The following REV1 variants were observed in gnomAD, a reference collection of about 807,000 sequenced individuals.
The protein encoded by REV1 is translesion synthesis protein REV1.
A neutral mutation model predicts 137.4 loss-of-function variants in REV1; 42 were observed. The observed-to-expected ratio is 0.31, with a 90% CI of 0.24 to 0.40. The LOEUF (loss-of-function observed/expected upper bound fraction) is 0.40. Among genes scored for constraint, REV1 ranks in the 10% least tolerant of loss-of-function variants. The pLI, the probability that REV1 is intolerant of heterozygous loss-of-function variation, is 1.00. For missense variants in REV1, 1,282 were observed against 1,490.1 expected (o/e 0.86, Z 2.30); for synonymous variants, 524 against 519.2 (o/e 1.01, Z -0.12).
rs530487255 is a variant in REV1, at chr2:99,412,662, G to A, written c.2172+69C>T. 7.0e-6 allele frequency: 8 copies of A among 1,148,192 alleles called. No individual in the cohort carries two copies. In the East Asian group the frequency reaches 1.9e-4, roughly 27 times the overall value. The allele number at this position is 1,148,192 out of a possible 1,614,324, so 71.1% of individuals were successfully genotyped here. ...CAAGCATTGAGGGTCTAATGGTTTA[G>A]TTGTAGAGGTAGGACTATGTAAAAA... is the stretch of plus-strand genomic sequence containing the variant. On this transcript the variant is annotated intron_variant, in intron 13 of 22. Transcript: ENST00000258428.
Position 99,442,431 on chromosome 2 carries a change from T to C in REV1, c.389A>G (p.Gln130Arg), listed in dbSNP as rs1238434371. 2 of 1,613,926 alleles carry C rather than the reference T, an allele frequency of 1.2e-6. No individual in the cohort carries two copies. Among genetic ancestry groups the C allele is most frequent in the Admixed American group, 3.3e-5 (2 of 59,994 alleles). Reference sequence around the variant, plus strand: ...CACACTGGACTGCTTGGTGTACAGCTGATATGGAATGTAGGAGAGGAGTCG... The same window carrying C: ...CACACTGGACTGCTTGGTGTACAGCCGATATGGAATGTAGGAGAGGAGTCG... ...AGRLLSYIPY[Q>R]LYTKQSSVQK... Residue 130 changes from glutamine (Q) to arginine (R), a missense_variant, in exon 5 of 23, where the codon CAG (glutamine) becomes CGG (arginine). This residue lies in a region of REV1 where 107 missense variants were observed against 164.3 expected (regional missense o/e 0.65). Coordinates refer to ENST00000258428, the MANE Select transcript of REV1 (RefSeq NM_016316.4).
At chr2:99,424,058 G>T in intron 10 of REV1, 94 bp downstream of exon 10, 1 of 1,313,286 alleles carries the variant, frequency 7.6e-7, no homozygotes. Context: ...TAACAAAAGT[G>T]ATCCTGACAA....
At chr2:99,454,549 T>TAAA (rs1559376915) in intron 3 of REV1, among the ~76,000 whole-genome samples, 2 of 17,000 alleles carry the variant, frequency 1.2e-4, no homozygotes, top group Non-Finnish European at 2.0e-4. Flanking sequence ...AAACTCCAGC[T>TAAA]CAAAAAAAAA....
chr2:99,418,805 A>G, intron 12 of REV1, 23 bp downstream of exon 12: 1 of 1,598,688 alleles, frequency 6.3e-7, no homozygotes, highest in Non-Finnish European at 8.6e-7. Context: ...TAATAAAAGT[A>G]TTGTTAAAAT....
At chr2:99,449,878 A>G (rs1256703115) in intron 3 of REV1, among the ~76,000 whole-genome samples, 1 of 152,222 alleles carries the variant, frequency 6.6e-6, no homozygotes, top group South Asian at 2.1e-4. Flanking sequence ...AAACCCATTT[A>G]TGAATCATTT....
At chr2:99,464,857 A>G (rs1380643394) in intron 2 of REV1, 65 bp downstream of exon 2, 1 of 1,470,292 alleles carries the variant, frequency 6.8e-7, no homozygotes, top group African/African-American at 1.4e-5. Flanking sequence ...AAACCACATT[A>G]TAACAGAAGA....
At chr2:99,475,011 G>GTA (rs1466544900) in intron 1 of REV1, among the ~76,000 whole-genome samples, 1 of 152,078 alleles carries the variant, frequency 6.6e-6, no homozygotes. Context: ...TAGTTCCTCC[G>GTA]TATGTGGAAA....
intron 13 of REV1, among the ~76,000 whole-genome samples, chr2:99,412,461 A>G (rs1247370809): frequency 2.0e-5 from 3 of 152,096 alleles, no homozygotes; most frequent in Admixed American, 2.0e-4. Flanking sequence ...GTTAATTAGA[A>G]TAATTATAAT....
rs1203354232 is a variant in REV1 at position 99,421,599 on chromosome 2, G to A, written c.1731C>T (p.Thr577=). ...TAAGTTTGGTCTCTGCAAGGATTTCGGTAATGTCTACCAGCGCTTCATCAC... is the reference window on the plus strand; with the variant it reads ...TAAGTTTGGTCTCTGCAAGGATTTCAGTAATGTCTACCAGCGCTTCATCAC... ...VSCDEALVDI[T]EILAETKLTP... is the part of the protein sequence containing the mutation. The change falls in exon 11 of 23, where the codon ACC becomes ACT. Residue 577 remains threonine, a synonymous_variant. Coordinates refer to ENST00000258428, the MANE Select transcript of REV1 (RefSeq NM_016316.4). 18 of 1,614,038 alleles carry A rather than the reference G, an allele frequency of 1.1e-5. No individual in the cohort carries two copies. Among genetic ancestry groups the A allele is most frequent in the Admixed American group, 6.7e-5 (4 of 60,000 alleles).
intron 11 of REV1, among the ~76,000 whole-genome samples, chr2:99,420,127 A>G (rs1406268949): frequency 6.6e-6 from 1 of 152,264 alleles, no homozygotes; most frequent in Non-Finnish European, 1.5e-5. Context: ...AGAATTCCTA[A>G]GTGAAATGTT....
At chr2:99,426,537 C>T (rs1679395107) in intron 9 of REV1, among the ~76,000 whole-genome samples, 1 of 152,112 alleles carries the variant, frequency 6.6e-6, no homozygotes. Context: ...CCATTAGACA[C>T]TATAAGGAAG....
chr2:99,438,910 G>T lies in REV1; in HGVS notation c.904C>A (p.Pro302Thr). 6.2e-7 allele frequency: 1 copy of T among 1,614,174 alleles called. No homozygotes were observed. The highest frequency in any genetic ancestry group is 8.5e-7 in the Non-Finnish European group (1 of 1,180,002). ...PHRTNSFSLS[P>T]LHSNTKINGA... ...TTGATTTTAGTGTTACTGTGCAAAG[G>T]TGATAATGAGAAAGAATTAGTTCTG... Residue 302 changes from proline (P) to threonine (T), a missense_variant, in exon 6 of 23, where the codon CCT (proline) becomes ACT (threonine). Transcript: ENST00000258428.
intron 1 of REV1, among the ~76,000 whole-genome samples, chr2:99,469,700 T>C (rs1471755273): frequency 6.6e-6 from 1 of 152,218 alleles, no homozygotes; most frequent in South Asian, 2.1e-4. Context: ...AGACTACTTA[T>C]GCATGCATTT....
At chr2:99,475,974 C>T (rs1163389357) in intron 1 of REV1, among the ~76,000 whole-genome samples, 1 of 151,984 alleles carries the variant, frequency 6.6e-6, no homozygotes, top group Non-Finnish European at 1.5e-5. Flanking sequence ...CAGAGTGAGA[C>T]TTCGTCTCAA....
At chr2:99,433,510 C>T (rs2104757113) in intron 8 of REV1, among the ~76,000 whole-genome samples, 1 of 152,294 alleles carries the variant, frequency 6.6e-6, no homozygotes, top group East Asian at 1.9e-4. Flanking sequence ...TTCCTTTTGC[C>T]TTAATTTCAT....
In REV1 at chr2:99,421,211, G is replaced by A. The variant is rs186345798; in HGVS notation, c.1831+288C>T. Among the ~76,000 whole-genome samples the A allele has an allele frequency of 1.1e-3, 168 of 151,868 alleles. 1 individual carries two copies. The highest frequency in any genetic ancestry group is 7.0e-3 in the Admixed American group (107 of 15,236). On this transcript the variant is annotated intron_variant, in intron 11 of 22. Transcript: ENST00000258428. The stretch of plus-strand genomic sequence containing the variant: ...CATACCACCACCTAGCTTTAAATAC[G>A]GTTTCCGTTCACTTTTGGGAAAAAA...
intron 3 of REV1, among the ~76,000 whole-genome samples, chr2:99,461,631 G>T (rs764264183): frequency 1.3e-5 from 2 of 152,110 alleles, no homozygotes; most frequent in East Asian, 1.9e-4. Context: ...ATAAGAAGAA[G>T]AATCCCCAAG....
At chr2:99,429,595 C>A (rs1679848035) in intron 9 of REV1, among the ~76,000 whole-genome samples, 2 of 151,756 alleles carry the variant, frequency 1.3e-5, no homozygotes, top group Admixed American at 6.6e-5. Flanking sequence ...CGATGATCCC[C>A]AATTTCTTTT....
chr2:99,445,169 T>C (rs558794096), intron 4 of REV1, among the ~76,000 whole-genome samples: 172 of 150,796 alleles, frequency 1.1e-3, no homozygotes, highest in African/African-American at 4.0e-3. Flanking sequence ...AAAAAACTCA[T>C]GAGAGATAAA....
Sources: gnomAD v4.1 joint callset for allele counts (sites outside exome capture counted in the v4.1 genomes callset) on GRCh38, gnomAD v4.1.1 for gene constraint, gnomAD v4.1.1 regional missense constraint, MANE v1.5 for transcripts, NCBI Gene and HGNC (gene_info 2026-07-23, HGNC 2026-07-21) for gene names.